The following FPR1 variants were observed in gnomAD, a reference collection of about 807,000 sequenced individuals.
FPR1 encodes the protein formyl peptide receptor 1.
For synonymous variants in FPR1, 193 were observed against 176.7 expected, an observed-to-expected ratio of 1.09 and a Z score of -0.73; for missense variants, 407 against 453.0, an observed-to-expected ratio of 0.90 and a Z score of 0.92.
chr19:51,749,840 A>G (rs1029787486), intron 1 of FPR1, among the ~76,000 whole-genome samples: 3 of 151,344 alleles, frequency 2.0e-5, no homozygotes, highest in African/African-American at 7.3e-5. Flanking sequence ...TTTTCTTTTT[A>G]ATTGTATTTT....
chr19:51,746,426 C>A lies in FPR1; in HGVS notation c.569G>T (p.Arg190Met). ...CAACATGGCAACGGCCACATTTATCCTCTCTTTAGGGTCGTTGGTCCAGGG... is the reference window on the plus strand; with the variant it reads ...CAACATGGCAACGGCCACATTTATCATCTCTTTAGGGTCGTTGGTCCAGGG... ...FSPWTNDPKE[R>M]INVAVAMLTV... Residue 190 changes from arginine (R) to methionine (M), a missense_variant, in exon 2 of 2, where the codon AGG (arginine) becomes ATG (methionine). Coordinates refer to ENST00000304748, the MANE Select transcript of FPR1 (RefSeq NM_002029.4). The surrounding 1 kb of genome is among the most constrained non-coding windows in gnomAD (Gnocchi z 4.3). 1 of 1,614,156 alleles carries A rather than the reference C, an allele frequency of 6.2e-7. No individual in the cohort carries two copies.
intron 1 of FPR1, among the ~76,000 whole-genome samples, chr19:51,751,032 C>T (rs1049570708): frequency 2.6e-5 from 4 of 152,128 alleles, no homozygotes; most frequent in Non-Finnish European, 5.9e-5. Flanking sequence ...TCCCCATGAC[C>T]CATCATAAAG....
In FPR1 at chr19:51,746,716, G is replaced by T; in HGVS notation, c.279C>A (p.Phe93Leu). The T allele has an allele frequency of 6.2e-7, 1 of 1,614,168 alleles. No individual in the cohort carries two copies. Among genetic ancestry groups the T allele is most frequent in the Non-Finnish European group, 8.5e-7 (1 of 1,180,034 alleles). The change falls in exon 2 of 2, where the codon TTC (phenylalanine) becomes TTA (leucine). Residue 93 changes from phenylalanine (F) to leucine (L), a missense_variant. Transcript: ENST00000304748. The surrounding 1 kb of genome is among the most constrained non-coding windows in gnomAD (Gnocchi z 4.3). ...VRKAMGGHWP[F>L]GWFLCKFVFT... Reference sequence around the variant, plus strand: ...AGACGAATTTGCACAGGAACCAGCCGAAAGGCCAATGTCCTCCCATGGCCT... The same window carrying T: ...AGACGAATTTGCACAGGAACCAGCCTAAAGGCCAATGTCCTCCCATGGCCT...
chr19:51,749,133 T>C (rs1001120239), intron 1 of FPR1, among the ~76,000 whole-genome samples: 1 of 151,834 alleles, frequency 6.6e-6, no homozygotes, highest in Non-Finnish European at 1.5e-5. Context: ...GAGAATCACT[T>C]GAACGTGGGA....
chr19:51,746,638 A>G lies in FPR1; in HGVS notation c.357T>C (p.Ile119=). The stretch of plus-strand genomic sequence containing the variant: ...GGACGCAAACACAGCGGTCCAGAGC[A>G]ATGAGGGCGATCAGGAAGACACTTC... ...LFGSVFLIAL[I]ALDRCVCVLH... The change falls in exon 2 of 2, where the codon ATT becomes ATC. Residue 119 remains isoleucine, a synonymous_variant. Transcript: ENST00000304748. This position sits in a 1 kb window ranked among gnomAD's most constrained non-coding sequence, Gnocchi z 4.3. The G allele has an allele frequency of 6.2e-7, 1 of 1,614,204 alleles. No individual in the cohort carries two copies. Among genetic ancestry groups the G allele is most frequent in the Non-Finnish European group, 8.5e-7 (1 of 1,180,036 alleles).
intron 1 of FPR1, among the ~76,000 whole-genome samples, chr19:51,751,427 G>T (rs890971631): frequency 1.3e-5 from 2 of 152,014 alleles, no homozygotes; most frequent in Non-Finnish European, 2.9e-5. Flanking sequence ...CTGTCACCTA[G>T]GCTGGAGTAC....
intron 1 of FPR1, among the ~76,000 whole-genome samples, chr19:51,748,347 G>A (rs1013987059): frequency 3.3e-5 from 5 of 152,202 alleles, no homozygotes; most frequent in African/African-American, 9.6e-5. Flanking sequence ...GTTGCTTAAT[G>A]AATATGCAGT....
At position 51,751,851 on chromosome 19, in the gene FPR1, T is replaced by A. The variant is rs1021599019; in HGVS notation, c.-49A>T. On this transcript the variant is annotated 5_prime_UTR_variant, in exon 1 of 2. Coordinates refer to ENST00000304748, the MANE Select transcript of FPR1 (RefSeq NM_002029.4). ...CCAGCTGTGGTCTTGCTCTGGGTAG[T>A]TCTAGGTCTGGGTCTCCTGGGGAGA... The A allele has an allele frequency of 2.6e-5, 4 of 152,340 alleles. No individual in the cohort carries two copies. Among genetic ancestry groups the A allele is most frequent in the Non-Finnish European group, 5.9e-5 (4 of 68,186 alleles). 9.4% of individuals were successfully genotyped at this position (152,340 alleles called of 1,614,324 possible). A position where few individuals can be genotyped will look rare whatever the true frequency, so the allele number is the denominator to read the frequency against.
downstream of FPR1, chr19:51,745,474 G>A (rs1262913568): frequency 1.2e-5 from 2 of 165,768 alleles, no homozygotes; most frequent in East Asian, 3.4e-4. Context: ...GTATCTTCTT[G>A]TATATCTTGT....
chr19:51,750,892 A>G (rs2083776392), intron 1 of FPR1: 1 of 152,186 alleles, frequency 6.6e-6, no homozygotes, highest in African/African-American at 2.4e-5. Flanking sequence ...ATGACAGCCA[A>G]TGTCTGCAGA....
At chr19:51,747,442 T>C (rs1389961692) in intron 1 of FPR1, among the ~76,000 whole-genome samples, 1 of 152,138 alleles carries the variant, frequency 6.6e-6, no homozygotes, top group Non-Finnish European at 1.5e-5. Flanking sequence ...GGTCTTGAAC[T>C]GCTGACCCCA....
In FPR1 at chr19:51,746,646, C is replaced by T. The variant is rs547228145; in HGVS notation, c.349G>A (p.Ala117Thr). ...INLFGSVFLIALIALDRCVCV... is the reference protein window; with the variant it reads ...INLFGSVFLITLIALDRCVCV... ...ACACAGCGGTCCAGAGCAATGAGGG[C>T]GATCAGGAAGACACTTCCGAACAAG... Residue 117 changes from alanine (A) to threonine (T), a missense_variant, in exon 2 of 2, where the codon GCC becomes ACC. Physicochemically the swap from Ala to Thr is moderately conservative, Grantham distance 58. Coordinates refer to ENST00000304748, the MANE Select transcript of FPR1 (RefSeq NM_002029.4). The surrounding 1 kb of genome is among the most constrained non-coding windows in gnomAD (Gnocchi z 4.3). The T allele has an allele frequency of 8.1e-6, 13 of 1,614,066 alleles. No homozygotes were observed. The highest frequency in any genetic ancestry group is 6.7e-5 in the Admixed American group (4 of 60,010).
rs757828035 is a variant in FPR1, at chr19:51,745,933, G to T, written c.*9C>A. ...GCTGGGAGCTCGAAAGTGTCCCCCA[G>T]CTCCCTCCTCACTTTGCCTGTAACT... On this transcript the variant is annotated 3_prime_UTR_variant, in exon 2 of 2. Coordinates refer to ENST00000304748, the MANE Select transcript of FPR1 (RefSeq NM_002029.4). 6.2e-7 allele frequency: 1 copy of T among 1,603,270 alleles called. No homozygotes were observed. The highest frequency in any genetic ancestry group is 8.5e-7 in the Non-Finnish European group (1 of 1,171,130).
intron 1 of FPR1, among the ~76,000 whole-genome samples, chr19:51,751,276 T>C (rs551688605): frequency 6.6e-6 from 1 of 152,208 alleles, no homozygotes; most frequent in African/African-American, 2.4e-5. Context: ...CTCAAGAACT[T>C]CCCTCCTTCA....
intron 1 of FPR1, among the ~76,000 whole-genome samples, chr19:51,747,974 T>TAAC (rs200621756): frequency 1.3e-5 from 2 of 151,920 alleles, no homozygotes; most frequent in Non-Finnish European, 2.9e-5. Flanking sequence ...TCCTCATCTC[T>TAAC]AACAACAACA....
chr19:51,749,602 G>T (rs1358793612), intron 1 of FPR1, among the ~76,000 whole-genome samples: 1 of 152,104 alleles, frequency 6.6e-6, no homozygotes, highest in African/African-American at 2.4e-5. Context: ...GGTATGCAAA[G>T]TGCATGTCAG....
In FPR1 at chr19:51,749,869, C is replaced by T. The variant is rs556799105; in HGVS notation, c.-12+1945G>A. Among the ~76,000 whole-genome samples, 7 of 152,164 alleles carry T rather than the reference C, an allele frequency of 4.6e-5. No individual in the cohort carries two copies. In the South Asian group the frequency reaches 8.3e-4, roughly 18 times the overall value. ...GTATTTTAGTAGACATGGGGTTTCACCATGTTGCCCAGGCTGGTCTCAAAC... is the reference window on the plus strand; with the variant it reads ...GTATTTTAGTAGACATGGGGTTTCATCATGTTGCCCAGGCTGGTCTCAAAC... On this transcript the variant is annotated intron_variant, in intron 1 of 1. Coordinates refer to ENST00000304748, the MANE Select transcript of FPR1 (RefSeq NM_002029.4).
rs1042229 is a variant in FPR1, at chr19:51,746,419, A to C, written c.576T>G (p.Asn192Lys). ...TCACCGTCAACATGGCAACGGCCAC[A>C]TTTATCCTCTCTTTAGGGTCGTTGG... ...PWTNDPKERI[N>K]VAVAMLTVRG... Residue 192 changes from asparagine (N) to lysine (K), a missense_variant, in exon 2 of 2, where the codon AAT (asparagine) becomes AAG (lysine). Physicochemically the swap from Asn to Lys is moderately conservative, Grantham distance 94 (BLOSUM62 0). Coordinates refer to ENST00000304748, the MANE Select transcript of FPR1 (RefSeq NM_002029.4). The surrounding 1 kb of genome is among the most constrained non-coding windows in gnomAD (Gnocchi z 4.3). 539,125 of 1,613,830 alleles carry C rather than the reference A, an allele frequency of 0.33. 91,883 individuals are homozygous for C. The highest frequency in any genetic ancestry group is 0.47 in the African/African-American group (34,905 of 74,912).
At chr19:51,747,907 G>C (rs2083758587) in intron 1 of FPR1, among the ~76,000 whole-genome samples, 2 of 152,170 alleles carry the variant, frequency 1.3e-5, no homozygotes, top group Admixed American at 1.3e-4. Flanking sequence ...GGGAAGCCGA[G>C]GTAGGAGGGT....
Sources: allele counts gnomAD v4.1 joint callset (sites outside exome capture counted in the v4.1 genomes callset), GRCh38; gene constraint gnomAD v4.1.1; non-coding constraint Gnocchi (gnomAD v3.1); transcripts MANE v1.5; gene names NCBI Gene and HGNC (gene_info 2026-07-23, HGNC 2026-07-21).